CEP55: variants seen among roughly 807,000 people sequenced by gnomAD.
CEP55 encodes centrosomal protein 55, also known as centrosomal protein of 55 kDa.
In CEP55, 57 loss-of-function variants were observed where a neutral mutation model predicts 63.2. The observed-to-expected ratio is 0.90, with a 90% CI of 0.73 to 1.13. The LOEUF (loss-of-function observed/expected upper bound fraction) is 1.13, where lower values mean the gene tolerates loss of function less well. Ranked by LOEUF, CEP55 falls within the 50% of genes most tolerant of loss-of-function variation. The pLI is 0.00. For missense variants in CEP55, 456 were observed against 518.9 expected (o/e 0.88, Z 1.18); for synonymous variants, 178 against 191.6 (o/e 0.93, Z 0.59).
At chr10:93,501,841 T>C (rs1304219564) in intron 2 of CEP55, among the ~76,000 whole-genome samples, 1 of 152,206 alleles carries the variant, frequency 6.6e-6, no homozygotes, top group African/African-American at 2.4e-5. Flanking sequence ...TCCACAGATA[T>C]GAAGGTTATT....
intron 2 of CEP55, among the ~76,000 whole-genome samples, chr10:93,501,744 G>C (rs1412733031): frequency 6.6e-6 from 1 of 152,050 alleles, no homozygotes; most frequent in Non-Finnish European, 1.5e-5. Context: ...TCTCTAAACA[G>C]GCACATAATG....
intron 6 of CEP55, among the ~76,000 whole-genome samples, chr10:93,518,341 G>C (rs896699930): frequency 4.6e-5 from 7 of 151,900 alleles, no homozygotes; most frequent in Non-Finnish European, 1.0e-4. Context: ...GTAGAGATGG[G>C]GTTTCACCAT....
At chr10:93,508,285 G>A (rs971973512) in intron 4 of CEP55, among the ~76,000 whole-genome samples, 1 of 152,022 alleles carries the variant, frequency 6.6e-6, no homozygotes, top group Non-Finnish European at 1.5e-5. Context: ...TTAAGTATTA[G>A]GTCAGTATGT....
intron 8 of CEP55, among the ~76,000 whole-genome samples, chr10:93,525,922 A>G (rs1263676685): frequency 6.6e-6 from 1 of 152,184 alleles, no homozygotes; most frequent in Non-Finnish European, 1.5e-5. Flanking sequence ...CTTACACCTT[A>G]TACAAAAATT....
chr10:93,516,072 C>T (rs889154873), intron 5 of CEP55, among the ~76,000 whole-genome samples: 12 of 152,232 alleles, frequency 7.9e-5, no homozygotes, highest in African/African-American at 2.6e-4. Flanking sequence ...TAGAGCAACC[C>T]TAAGAGGCGG....
At chr10:93,498,862 A>G (rs2057602187) in intron 1 of CEP55, among the ~76,000 whole-genome samples, 1 of 151,682 alleles carries the variant, frequency 6.6e-6, no homozygotes, top group Admixed American at 6.6e-5. Flanking sequence ...GATACCTGGT[A>G]AATAGTAGGC....
At chr10:93,508,106 C>G (rs2057707161) in intron 4 of CEP55, among the ~76,000 whole-genome samples, 1 of 152,172 alleles carries the variant, frequency 6.6e-6, no homozygotes, top group Non-Finnish European at 1.5e-5. Context: ...CTTCCTTTCT[C>G]TAGAATTTGG....
chr10:93,519,030 G>T (rs763422127), intron 7 of CEP55, 82 bp downstream of exon 7: 1 of 1,011,204 alleles, frequency 9.9e-7, no homozygotes. Flanking sequence ...GTTCTATGGA[G>T]AACTGTTTGA....
chr10:93,514,985 C>A (rs1564765773), intron 4 of CEP55, among the ~76,000 whole-genome samples: 1 of 152,152 alleles, frequency 6.6e-6, no homozygotes, highest in Non-Finnish European at 1.5e-5. Context: ...GTTGGCCAGG[C>A]TGGTCTTGAA....
At chr10:93,505,770 T>G (rs772835500) in intron 3 of CEP55, among the ~76,000 whole-genome samples, 1 of 152,204 alleles carries the variant, frequency 6.6e-6, no homozygotes, top group Non-Finnish European at 1.5e-5. Flanking sequence ...CTCTTTTATT[T>G]CTCTGAGAAA....
intron 1 of CEP55, among the ~76,000 whole-genome samples, chr10:93,498,164 G>T (rs1022158485): frequency 6.7e-6 from 1 of 150,030 alleles, no homozygotes; most frequent in African/African-American, 2.5e-5. Flanking sequence ...GAAAGAAACA[G>T]AAACAGAAAA....
intron 6 of CEP55, 110 bp from the exon 7 acceptor site, chr10:93,518,767 G>A (rs2057828080): frequency 1.5e-6 from 1 of 676,314 alleles, no homozygotes; most frequent in African/African-American, 1.8e-5. Context: ...TGACTAGCAG[G>A]TGTTGTCCTG....
chr10:93,524,532 C>T (rs1404896405), intron 8 of CEP55, among the ~76,000 whole-genome samples: 1 of 152,200 alleles, frequency 6.6e-6, no homozygotes, highest in Non-Finnish European at 1.5e-5. Flanking sequence ...TGATACCATT[C>T]CTTCTGAAAC....
chr10:93,503,535 T>G, intron 3 of CEP55, 147 bp downstream of exon 3: 1 of 740,070 alleles, frequency 1.4e-6, no homozygotes. Context: ...TTCACTTTTT[T>G]TAATAGCCCA....
chr10:93,518,800 T>A, intron 6 of CEP55, 77 bp from the exon 7 acceptor site: 2 of 938,820 alleles, frequency 2.1e-6, no homozygotes. Context: ...AGACTTGTGA[T>A]GTGAGCTTTC....
chr10:93,502,726 T>C (rs1384184459), intron 2 of CEP55, among the ~76,000 whole-genome samples: 2 of 152,222 alleles, frequency 1.3e-5, no homozygotes, highest in South Asian at 2.1e-4. Flanking sequence ...GGAGCATGTA[T>C]ATCTTGTGTG....
chr10:93,513,262 G>A (rs560088678), intron 4 of CEP55, among the ~76,000 whole-genome samples: 1 of 152,302 alleles, frequency 6.6e-6, no homozygotes, highest in South Asian at 2.1e-4. Flanking sequence ...TAATTCATTT[G>A]CTAATTCTAT....
intron 4 of CEP55, among the ~76,000 whole-genome samples, chr10:93,514,006 G>A (rs766533218): frequency 3.3e-5 from 5 of 150,406 alleles, no homozygotes; most frequent in Admixed American, 6.6e-5. Context: ...GTGCAGTGGC[G>A]CAATCTTGGC....
intron 4 of CEP55, 125 bp from the exon 5 acceptor site, chr10:93,515,280 C>G (rs537299017): frequency 1.3e-6 from 1 of 748,762 alleles, no homozygotes; most frequent in South Asian, 2.2e-5. Flanking sequence ...AGAATGGTTG[C>G]CCAGAATTAG....
Sources: gnomAD v4.1 joint callset for allele counts (sites outside exome capture counted in the v4.1 genomes callset) on GRCh38, gnomAD v4.1.1 for gene constraint, MANE v1.5 for transcripts, NCBI Gene and HGNC (gene_info 2026-07-23, HGNC 2026-07-21) for gene names.